Variants in NELL2 observed in about 807,000 individuals in gnomAD.
NELL2 encodes neural EGFL like 2, also known as protein kinase C-binding protein NELL2.
A neutral mutation model predicts 109.6 loss-of-function variants in NELL2; 41 were observed. The ratio of observed to expected loss-of-function variants is 0.37; its 90% confidence interval spans 0.29 to 0.49. NELL2 has a LOEUF of 0.49. Among genes scored for constraint, NELL2 ranks in the 20% least tolerant of loss-of-function variants. The probability of loss-of-function intolerance (pLI) is 0.98; values close to 1 mark genes in which losing one functional copy is unlikely to be tolerated. For missense variants in NELL2, 900 were observed against 1,008.3 expected (o/e 0.89, Z 1.45); for synonymous variants, 355 against 344.7 (o/e 1.03, Z -0.33).
At chr12:44,706,434 T>A (rs1307848038) in intron 11 of NELL2, among the ~76,000 whole-genome samples, 6 of 152,146 alleles carry the variant, frequency 3.9e-5, no homozygotes, top group African/African-American at 1.4e-4. Context: ...GGCAACATAA[T>A]CCTATTATCT....
intron 9 of NELL2, among the ~76,000 whole-genome samples, chr12:44,734,642 T>C (rs1939545203): frequency 6.6e-6 from 1 of 151,916 alleles, no homozygotes; most frequent in Admixed American, 6.6e-5. Flanking sequence ...TCTTAAATAA[T>C]AAAAAATTAA....
chr12:44,672,034 C>G (rs1313632725), intron 12 of NELL2, among the ~76,000 whole-genome samples: 1 of 152,178 alleles, frequency 6.6e-6, no homozygotes, highest in East Asian at 1.9e-4. Context: ...TTTCCTCAAA[C>G]AAAAGTGGTT....
upstream of NELL2, among the ~76,000 whole-genome samples, chr12:44,917,307 A>G (rs1279304872): frequency 6.6e-6 from 1 of 152,256 alleles, no homozygotes; most frequent in African/African-American, 2.4e-5. Flanking sequence ...GAAAGAGCAC[A>G]GCATTTGAAT....
chr12:44,800,361 T>C (rs1942786631), intron 3 of NELL2, among the ~76,000 whole-genome samples: 1 of 152,120 alleles, frequency 6.6e-6, no homozygotes, highest in South Asian at 2.1e-4. Context: ...TTAAATACTA[T>C]TGTGAATTGA....
chr12:44,773,401 G>C (rs1171727653), intron 9 of NELL2, among the ~76,000 whole-genome samples: 7 of 152,084 alleles, frequency 4.6e-5, no homozygotes, highest in Non-Finnish European at 1.0e-4. Flanking sequence ...GCGTGAACCT[G>C]GAAGGCGGAG....
chr12:44,682,148 T>G (rs1948532940), intron 12 of NELL2, among the ~76,000 whole-genome samples: 1 of 149,952 alleles, frequency 6.7e-6, no homozygotes, highest in Admixed American at 6.6e-5. Flanking sequence ...TGGTTTTGAT[T>G]TGCATTTCTC....
chr12:44,644,580 G>GTATATATATATATATATATATATATATA (rs138161908), intron 13 of NELL2, among the ~76,000 whole-genome samples: 1 of 84,394 alleles, frequency 1.2e-5, no homozygotes, highest in Non-Finnish European at 2.3e-5. Context: ...ACAAAGTAAA[G>GTATATATATATATATATATATATATATA]TATATATATA....
At chr12:44,774,943 T>C (rs1047894409) in intron 8 of NELL2, 94 bp from the exon 9 acceptor site, 10 of 935,800 alleles carry the variant, frequency 1.1e-5, no homozygotes, top group East Asian at 2.6e-5. Flanking sequence ...AAACTCTTCA[T>C]GTGAAGAGAA....
At chr12:44,723,900 C>CA in intron 9 of NELL2, among the ~76,000 whole-genome samples, 1 of 151,988 alleles carries the variant, frequency 6.6e-6, no homozygotes, top group East Asian at 1.9e-4. Flanking sequence ...GATATATACC[C>CA]AAGGAAAATA....
intron 10 of NELL2, among the ~76,000 whole-genome samples, chr12:44,713,215 C>G (rs3990180): frequency 0.78 from 112,088 of 143,082 alleles, 43,717 homozygotes; most frequent in Middle Eastern, 0.87. Flanking sequence ...CACACACACA[C>G]AGAGAGAGAC....
chr12:44,757,474 T>A (rs1940940201), intron 9 of NELL2, among the ~76,000 whole-genome samples: 1 of 152,100 alleles, frequency 6.6e-6, no homozygotes, highest in Admixed American at 6.6e-5. Flanking sequence ...TCTCTCCCCA[T>A]CCTTATCCCA....
intron 15 of NELL2, among the ~76,000 whole-genome samples, chr12:44,544,683 A>C (rs1203552152): frequency 6.6e-6 from 1 of 152,084 alleles, no homozygotes; most frequent in Non-Finnish European, 1.5e-5. Flanking sequence ...AACATTTAGG[A>C]ATCTCATTTT....
chr12:44,677,227 C>T lies in NELL2; in HGVS notation c.1319-11618G>A, dbSNP rs748526084. 7.9e-5 allele frequency among the ~76,000 whole-genome samples: 12 copies of T among 152,114 alleles called. No homozygotes were observed. The South Asian group carries it at 1.0e-3, about 13-fold the overall frequency. On this transcript the variant is annotated intron_variant, in intron 12 of 19. Coordinates refer to ENST00000429094, the MANE Select transcript of NELL2 (RefSeq NM_001145108.2). ...AGTACTCAATGCACCTAATGAAGTA[C>T]GCAGGAGCTGCATTTGTGTGGAGGT...
chr12:44,524,703 G>C (rs1941688590), intron 16 of NELL2, among the ~76,000 whole-genome samples: 3 of 151,874 alleles, frequency 2.0e-5, no homozygotes, highest in African/African-American at 7.3e-5. Context: ...ATTTTTATTA[G>C]TTCCCACTTC....
rs763712329 is a variant in NELL2, at chr12:44,607,224, A to T, written c.1608T>A (p.Ile536=). The change falls in exon 15 of 20, where the codon ATT becomes ATA. Residue 536 remains isoleucine, a synonymous_variant. Coordinates refer to ENST00000429094, the MANE Select transcript of NELL2 (RefSeq NM_001145108.2). ...GTGGGCAGGCACACACATTAGCGGC[A>T]ATACAGGCTCCTCCATTCCTACAGC... is the stretch of plus-strand genomic sequence containing the variant. ...KDGCRNGGAC[I]AANVCACPQG... is the part of the protein sequence containing the mutation. 1 of 1,612,874 alleles carries T rather than the reference A, an allele frequency of 6.2e-7. No individual in the cohort carries two copies. The highest frequency in any genetic ancestry group is 2.2e-5 in the East Asian group (1 of 44,866).
At chr12:44,702,364 T>A (rs949381523) in intron 12 of NELL2, among the ~76,000 whole-genome samples, 6 of 152,116 alleles carry the variant, frequency 3.9e-5, no homozygotes, top group Non-Finnish European at 7.4e-5. Context: ...GTGTTCAGGA[T>A]GCAGTAGGTG....
chr12:44,525,414 A>C (rs1941719333), intron 16 of NELL2, among the ~76,000 whole-genome samples: 2 of 152,228 alleles, frequency 1.3e-5, no homozygotes, highest in Admixed American at 6.5e-5. Context: ...GGGCAGATGC[A>C]TCATAATGGA....
intron 13 of NELL2, among the ~76,000 whole-genome samples, chr12:44,629,225 T>C (rs565026101): frequency 6.6e-6 from 1 of 152,286 alleles, no homozygotes; most frequent in African/African-American, 2.4e-5. Context: ...GAGTCCACTA[T>C]AAAGGCAAAA....
At chr12:44,640,253 G>C (rs1057236591) in intron 13 of NELL2, among the ~76,000 whole-genome samples, 2 of 152,100 alleles carry the variant, frequency 1.3e-5, no homozygotes, top group African/African-American at 4.8e-5. Flanking sequence ...GGAACTATGG[G>C]AACACTTTTC....
Sources: allele counts gnomAD v4.1 joint callset (sites outside exome capture counted in the v4.1 genomes callset), GRCh38; gene constraint gnomAD v4.1.1; transcripts MANE v1.5; gene names NCBI Gene and HGNC (gene_info 2026-07-23, HGNC 2026-07-21).